TBC1D5: variants seen among roughly 807,000 people sequenced by gnomAD.
The protein encoded by TBC1D5 is TBC1 domain family member 5.
A neutral mutation model predicts 100.3 loss-of-function variants in TBC1D5; 75 were observed. The ratio of observed to expected loss-of-function variants is 0.75; its 90% CI spans 0.62 to 0.91. TBC1D5 has a LOEUF of 0.91. Ranked by LOEUF, TBC1D5 falls within the 40% of genes least tolerant of loss-of-function variation. The pLI is 0.00. For synonymous variants in TBC1D5, 323 were observed against 325.6 expected, an observed-to-expected ratio of 0.99 and a Z score of 0.09; for missense variants, 910 against 942.4, an observed-to-expected ratio of 0.97 and a Z score of 0.45.
intron 2 of TBC1D5, among the ~76,000 whole-genome samples, chr3:17,594,929 C>T (rs947191653): frequency 5.9e-5 from 9 of 152,028 alleles, no homozygotes; most frequent in African/African-American, 1.9e-4. Context: ...AAGGGTGCTG[C>T]CAAAGGAGAT....
intron 13 of TBC1D5, among the ~76,000 whole-genome samples, chr3:17,331,519 A>G (rs899933084): frequency 6.6e-6 from 1 of 152,190 alleles, no homozygotes; most frequent in African/African-American, 2.4e-5. Context: ...TTTGCATGAG[A>G]TAACTTTTAA....
chr3:17,618,312 C>G (rs574152820), intron 2 of TBC1D5, among the ~76,000 whole-genome samples: 3 of 152,146 alleles, frequency 2.0e-5, no homozygotes, highest in African/African-American at 7.2e-5. Context: ...AGGTGTCTGT[C>G]GGCCCATACT....
chr3:17,198,033 T>C (rs1296123398), intron 18 of TBC1D5, among the ~76,000 whole-genome samples: 2 of 152,090 alleles, frequency 1.3e-5, no homozygotes, highest in Non-Finnish European at 2.9e-5. Flanking sequence ...TGAGTCCCTG[T>C]CTCAAGAAAA....
At chr3:17,579,377 C>T (rs1013212204) in intron 2 of TBC1D5, among the ~76,000 whole-genome samples, 10 of 152,014 alleles carry the variant, frequency 6.6e-5, no homozygotes, top group African/African-American at 2.2e-4. Flanking sequence ...TTTGTCTGAT[C>T]GTATGTTCAT....
intron 13 of TBC1D5, among the ~76,000 whole-genome samples, chr3:17,322,053 A>G (rs17043392): frequency 0.09 from 13,648 of 152,212 alleles, 1,390 homozygotes; most frequent in African/African-American, 0.25. Flanking sequence ...TATATTTCTC[A>G]TAGCTGTTAT....
exon 22 of TBC1D5, chr3:17,157,505 T>C (rs911754296): frequency 4.6e-5 from 7 of 152,436 alleles, no homozygotes; most frequent in Admixed American, 2.0e-4. Context: ...ATCCTCAATG[T>C]ATCCGGCCTC....
At chr3:17,452,286 C>T (rs879480089) in intron 3 of TBC1D5, among the ~76,000 whole-genome samples, 2 of 151,962 alleles carry the variant, frequency 1.3e-5, no homozygotes, top group Non-Finnish European at 2.9e-5. Context: ...AACAAAATGG[C>T]AGGGGTAAGT....
intron 15 of TBC1D5, among the ~76,000 whole-genome samples, chr3:17,284,110 A>ACG (rs1405785743): frequency 6.6e-6 from 1 of 151,014 alleles, no homozygotes; most frequent in Non-Finnish European, 1.5e-5. Flanking sequence ...ACACACACAC[A>ACG]CACACACACA....
intron 19 of TBC1D5, among the ~76,000 whole-genome samples, chr3:17,169,663 G>T (rs2066974903): frequency 6.6e-6 from 1 of 152,126 alleles, no homozygotes; most frequent in South Asian, 2.1e-4. Context: ...TTAAAAGCCT[G>T]TAACAATTTC....
chr3:17,530,195 G>A (rs1402698007), intron 2 of TBC1D5, among the ~76,000 whole-genome samples: 1 of 139,208 alleles, frequency 7.2e-6, no homozygotes, highest in Non-Finnish European at 1.5e-5. Context: ...AGTGAGCCAA[G>A]ATCATGCCAC....
chr3:17,395,720 ACTG>A (rs1282212887), intron 8 of TBC1D5, among the ~76,000 whole-genome samples: 1 of 152,128 alleles, frequency 6.6e-6, no homozygotes, highest in Non-Finnish European at 1.5e-5. Context: ...GCTATGTACT[ACTG>A]CTCCTAAATT....
intron 2 of TBC1D5, among the ~76,000 whole-genome samples, chr3:17,607,279 AT>A (rs1448564553): frequency 6.7e-6 from 1 of 150,332 alleles, no homozygotes. Flanking sequence ...GCAAAAAAAA[AT>A]TAACAAAAAT....
chr3:17,557,134 C>G (rs2096527338), intron 2 of TBC1D5, among the ~76,000 whole-genome samples: 1 of 152,176 alleles, frequency 6.6e-6, no homozygotes, highest in South Asian at 2.1e-4. Flanking sequence ...GAGCTGGTAT[C>G]AATTCTGACT....
chr3:17,311,151 T>G (rs1343588616), intron 13 of TBC1D5, among the ~76,000 whole-genome samples: 1 of 152,010 alleles, frequency 6.6e-6, no homozygotes, highest in East Asian at 1.9e-4. Flanking sequence ...TAACATGCTT[T>G]TATTGCAGTT....
chr3:17,705,441 A>G (rs1292690098), intron 1 of TBC1D5, among the ~76,000 whole-genome samples: 1 of 143,736 alleles, frequency 7.0e-6, no homozygotes, highest in Non-Finnish European at 1.5e-5. Context: ...GAGGCTCCTC[A>G]CTTCTCAGAC....
At chr3:17,695,859 C>A (rs1025300622) in intron 1 of TBC1D5, among the ~76,000 whole-genome samples, 1 of 152,168 alleles carries the variant, frequency 6.6e-6, no homozygotes, top group East Asian at 1.9e-4. Context: ...TAAAGCACTC[C>A]TCAGCAAATG....
intron 18 of TBC1D5, among the ~76,000 whole-genome samples, chr3:17,213,514 C>A (rs1231653021): frequency 6.6e-6 from 1 of 151,586 alleles, no homozygotes; most frequent in Non-Finnish European, 1.5e-5. Flanking sequence ...GTCTGTAATC[C>A]CAGCATTTTG....
chr3:17,266,756 G>T (rs186569916), intron 15 of TBC1D5, among the ~76,000 whole-genome samples: 9 of 152,200 alleles, frequency 5.9e-5, no homozygotes, highest in Middle Eastern at 3.4e-3. Context: ...GGATCAAAAT[G>T]ACTTCTGGTT....
At chr3:17,172,645 C>A (rs1425157841) in intron 19 of TBC1D5, among the ~76,000 whole-genome samples, 2 of 152,188 alleles carry the variant, frequency 1.3e-5, no homozygotes, top group African/African-American at 4.8e-5. Context: ...AAATTACACA[C>A]AAAAATCTCA....
Sources: allele counts gnomAD v4.1 joint callset (sites outside exome capture counted in the v4.1 genomes callset), GRCh38; gene constraint gnomAD v4.1.1; transcripts MANE v1.5; gene names NCBI Gene and HGNC (gene_info 2026-07-23, HGNC 2026-07-21).